Variants in HRH1 observed in about 807,000 individuals in gnomAD.
The protein encoded by HRH1 is histamine H1 receptor.
A neutral mutation model predicts 10.3 loss-of-function variants in HRH1; 6 were observed. The ratio of observed to expected loss-of-function variants is 0.58; its 90% CI spans 0.32 to 1.15. The LOEUF is 1.15. Among genes scored for constraint, HRH1 ranks in the 50% most tolerant of loss-of-function variants. HRH1 has a pLI of 0.05. For missense variants in HRH1, 514 were observed against 615.3 expected (o/e 0.84, Z 1.74); for synonymous variants, 242 against 236.7 (o/e 1.02, Z -0.21).
intron 1 of HRH1, among the ~76,000 whole-genome samples, chr3:11,160,009 G>A (rs1936893363): frequency 6.6e-6 from 1 of 152,146 alleles, no homozygotes; most frequent in Admixed American, 6.5e-5. Context: ...CAGATGAAGG[G>A]GACTCAGCCT....
chr3:11,253,942 CT>C (rs1939720003), intron 1 of HRH1, among the ~76,000 whole-genome samples: 1 of 152,042 alleles, frequency 6.6e-6, no homozygotes, highest in African/African-American at 2.4e-5. Flanking sequence ...GGGGAAGGGT[CT>C]GTGGTGGCAG....
chr3:11,182,839 A>C (rs934964418), intron 1 of HRH1, among the ~76,000 whole-genome samples: 11 of 152,224 alleles, frequency 7.2e-5, no homozygotes, highest in Non-Finnish European at 1.5e-4. Context: ...GCTCATGTTT[A>C]GGAAGTGACA....
chr3:11,225,403 CTAGT>C (rs1323434443), intron 1 of HRH1, among the ~76,000 whole-genome samples: 1 of 152,186 alleles, frequency 6.6e-6, no homozygotes, highest in Non-Finnish European at 1.5e-5. Flanking sequence ...ATATGTAGGC[CTAGT>C]CAGGCGACTG....
chr3:11,213,943 A>G (rs769823207), intron 1 of HRH1, among the ~76,000 whole-genome samples: 21 of 152,170 alleles, frequency 1.4e-4, no homozygotes, highest in Non-Finnish European at 2.6e-4. Flanking sequence ...CAGGTTTTCT[A>G]CCCAGGTGGT....
chr3:11,143,842 C>T lies in HRH1; in HGVS notation c.-36+6443C>T, dbSNP rs1235405876. 2.6e-5 allele frequency among the ~76,000 whole-genome samples: 4 copies of T among 152,310 alleles called. No homozygotes were observed. In the East Asian group the frequency reaches 7.7e-4, roughly 29 times the overall value. ...CCTCCTGAAACACATCCTCCCCCTT[C>T]AAGCCGGATCTTTTTTAGGTATCTT... On this transcript the variant is annotated intron_variant, in intron 1 of 1. Transcript: ENST00000438284.
rs547905190 is a variant in HRH1 at position 11,144,945 on chromosome 3, A to G, written c.-36+7546A>G. ...TCTCAGTAAATAGCTCCACCTTGCC[A>G]TGAAAGGCAAGAACCCATGAGTTTC... On this transcript the variant is annotated intron_variant, in intron 1 of 1. Coordinates refer to the HRH1 transcript ENST00000438284. Among the ~76,000 whole-genome samples the G allele has an allele frequency of 1.4e-4, 21 of 152,302 alleles. 1 individual carries two copies. In the South Asian group the frequency reaches 2.5e-3, roughly 18 times the overall value.
intron 1 of HRH1, among the ~76,000 whole-genome samples, chr3:11,176,215 A>G (rs1445439759): frequency 6.6e-6 from 1 of 152,000 alleles, no homozygotes; most frequent in Non-Finnish European, 1.5e-5. Flanking sequence ...AAACTGTGTA[A>G]TGAGTTTTTG....
chr3:11,226,933 T>C (rs1575027965), intron 1 of HRH1, among the ~76,000 whole-genome samples: 1 of 151,034 alleles, frequency 6.6e-6, no homozygotes, highest in Non-Finnish European at 1.5e-5. Flanking sequence ...TTTATTTGGG[T>C]TGTTACCCTT....
At chr3:11,249,823 T>G (rs979724653) in intron 1 of HRH1, among the ~76,000 whole-genome samples, 8 of 152,118 alleles carry the variant, frequency 5.3e-5, no homozygotes, top group Non-Finnish European at 1.0e-4. Flanking sequence ...TGATCCCGGT[T>G]AACAGATTTC....
chr3:11,169,926 C>A (rs926526914), intron 1 of HRH1, among the ~76,000 whole-genome samples: 36 of 152,280 alleles, frequency 2.4e-4, no homozygotes, highest in Admixed American at 8.5e-4. Context: ...CTTCTCCATG[C>A]CCCAGCCCTC....
rs112993072 is a variant in HRH1 at position 11,259,562 on chromosome 3, C to T, written c.525C>T (p.Arg175=). Residue 175 remains arginine, a synonymous_variant, in exon 2 of 2, where the codon CGC becomes CGT. Coordinates refer to ENST00000431010, the MANE Select transcript of HRH1 (RefSeq NM_001098212.2). This position sits in a 1 kb window ranked among gnomAD's most constrained non-coding sequence, Gnocchi z 4.6. ...WNHFMQQTSV[R]REDKCETDFY... is the part of the protein sequence containing the mutation. ...ACTTCATGCAGCAGACCTCGGTGCG[C>T]CGAGAGGACAAGTGTGAGACAGACT... The T allele has an allele frequency of 1.9e-6, 3 of 1,613,960 alleles. No homozygotes were observed. In the African/African-American group the frequency reaches 4.0e-5, roughly 22 times the overall value.
chr3:11,144,516 A>G (rs1037665752), intron 1 of HRH1, among the ~76,000 whole-genome samples: 1 of 8,466 alleles, frequency 1.2e-4, no homozygotes, highest in Admixed American at 1.5e-3. Context: ...ATACATACAC[A>G]TCATGGAATA....
chr3:11,230,869 C>A (rs918203231), intron 1 of HRH1, among the ~76,000 whole-genome samples: 2 of 152,150 alleles, frequency 1.3e-5, no homozygotes, highest in African/African-American at 4.8e-5. Context: ...ATACACTTTA[C>A]TCAATTTCCT....
intron 1 of HRH1, among the ~76,000 whole-genome samples, chr3:11,216,707 C>T (rs1488958721): frequency 6.6e-6 from 1 of 152,022 alleles, no homozygotes; most frequent in South Asian, 2.1e-4. Flanking sequence ...ACTGAAATCC[C>T]GTCTGTACTA....
chr3:11,239,436 A>G (rs1024298370), intron 1 of HRH1, among the ~76,000 whole-genome samples: 4 of 152,210 alleles, frequency 2.6e-5, no homozygotes, highest in African/African-American at 4.8e-5. Context: ...TATCAGATAT[A>G]TGACCTATAA....
chr3:11,256,496 T>A (rs556707009), intron 1 of HRH1, among the ~76,000 whole-genome samples: 100 of 152,212 alleles, frequency 6.6e-4, no homozygotes, highest in African/African-American at 2.4e-3. Flanking sequence ...TCTTAAAAAG[T>A]TATATAAATT....
At chr3:11,249,272 A>G (rs772930258) in intron 1 of HRH1, among the ~76,000 whole-genome samples, 30 of 151,942 alleles carry the variant, frequency 2.0e-4, no homozygotes, top group Admixed American at 3.3e-4. Flanking sequence ...GCATGGTGGC[A>G]GGTGCCTGTA....
chr3:11,221,153 A>G (rs936651893), intron 1 of HRH1, among the ~76,000 whole-genome samples: 1 of 152,230 alleles, frequency 6.6e-6, no homozygotes, highest in African/African-American at 2.4e-5. Context: ...TTTCTTCTTA[A>G]GATGCCCTTA....
At chr3:11,141,303 G>A (rs566547456) in intron 1 of HRH1, among the ~76,000 whole-genome samples, 4 of 152,282 alleles carry the variant, frequency 2.6e-5, no homozygotes, top group Non-Finnish European at 4.4e-5. Context: ...CCCAATAAAC[G>A]TCAGTAATGA....
Sources: gnomAD v4.1 joint callset for allele counts (sites outside exome capture counted in the v4.1 genomes callset) on GRCh38, gnomAD v4.1.1 for gene constraint, Gnocchi (gnomAD v3.1) non-coding constraint, MANE v1.5 for transcripts, NCBI Gene and HGNC (gene_info 2026-07-23, HGNC 2026-07-21) for gene names.